RAB36: variants seen among roughly 807,000 people sequenced by gnomAD.
The protein encoded by RAB36 is ras-related protein Rab-36.
RAB36 carries 33 observed loss-of-function variants against 39.3 expected under a neutral mutation model. The ratio of observed to expected loss-of-function variants is 0.84; its 90% CI spans 0.64 to 1.12. RAB36 has a LOEUF of 1.12. Ranked by LOEUF, RAB36 falls within the 50% of genes most tolerant of loss-of-function variation. RAB36 has a pLI of 0.00. For missense variants in RAB36, 308 were observed against 355.3 expected (o/e 0.87, Z 1.07); for synonymous variants, 133 against 140.2 (o/e 0.95, Z 0.36).
At chr22:23,161,068 C>T (rs746218781) in intron 10 of RAB36, 70 bp downstream of exon 10, 35 of 1,525,414 alleles carry the variant, frequency 2.3e-5, no homozygotes, top group African/African-American at 2.8e-5. Context: ...GCGCCATCCT[C>T]GTCACCTGAG....
intron 6 of RAB36, among the ~76,000 whole-genome samples, chr22:23,157,135 A>G (rs2071498313): frequency 6.6e-6 from 1 of 152,170 alleles, no homozygotes; most frequent in South Asian, 2.1e-4. Flanking sequence ...CCCAGGCTGC[A>G]TCTCCCGGTT....
intron 6 of RAB36, among the ~76,000 whole-genome samples, chr22:23,156,758 T>C (rs1438708021): frequency 6.6e-6 from 1 of 152,204 alleles, no homozygotes; most frequent in African/African-American, 2.4e-5. Flanking sequence ...CAGCCGTGGG[T>C]TGGAGCTCCA....
intron 4 of RAB36, among the ~76,000 whole-genome samples, chr22:23,152,738 G>A (rs1444525731): frequency 2.0e-5 from 3 of 152,202 alleles, no homozygotes; most frequent in Non-Finnish European, 4.4e-5. Context: ...CAGGAGCCTG[G>A]CGCTTGTCAG....
In RAB36 at chr22:23,162,823, G is replaced by T. The variant is rs567231567; in HGVS notation, c.*1259G>T. ...CTGCCCTGTAAATGTTCAGCTCAGC[G>T]ATTGCCAAATACCAGTTAGGGAAGA... is the stretch of plus-strand genomic sequence containing the variant. On this transcript the variant is annotated 3_prime_UTR_variant, in exon 11 of 11. Coordinates refer to ENST00000263116, the MANE Select transcript of RAB36 (RefSeq NM_004914.5). 1 of 442,946 alleles carries T rather than the reference G, an allele frequency of 2.3e-6. No homozygotes were observed. Among genetic ancestry groups the T allele is most frequent in the East Asian group, 7.2e-5 (1 of 13,934 alleles). 27.4% of individuals were successfully genotyped at this position (442,946 alleles called of 1,614,324 possible).
downstream of RAB36, among the ~76,000 whole-genome samples, chr22:23,165,961 A>G (rs1173794106): frequency 2.6e-5 from 4 of 152,108 alleles, no homozygotes; most frequent in Non-Finnish European, 5.9e-5. Flanking sequence ...CCTGGCTAAC[A>G]TGGTGAAACC....
At chr22:23,156,207 A>G (rs1244932868) in intron 6 of RAB36, 175 bp downstream of exon 6, 2 of 583,170 alleles carry the variant, frequency 3.4e-6, no homozygotes, top group African/African-American at 3.9e-5. Context: ...ATCCCCAGGC[A>G]CTGGCTGACT....
chr22:23,149,210 G>T (rs1427876238), intron 2 of RAB36, among the ~76,000 whole-genome samples: 1 of 129,756 alleles, frequency 7.7e-6, no homozygotes, highest in Non-Finnish European at 1.7e-5. Context: ...GGGGGGCGGG[G>T]GGCGGGACCC....
chr22:23,159,157 TC>T lies in RAB36; in HGVS notation c.529-3del. The T allele has an allele frequency of 6.2e-7, 1 of 1,611,062 alleles. No homozygotes were observed. Among genetic ancestry groups the T allele is most frequent in the Non-Finnish European group, 8.5e-7 (1 of 1,178,990 alleles). ...ACGCTGGGTCAACAAGGGCCATTTC[TC>T]CCAGTCAGGGGCCGCATGTGAGCAG... is the stretch of plus-strand genomic sequence containing the variant. On this transcript the variant is annotated splice_region_variant and splice_polypyrimidine_tract_variant and intron_variant, in intron 8 of 10. Transcript: ENST00000263116.
At chr22:23,166,134 A>G (rs1444476651), downstream of RAB36, among the ~76,000 whole-genome samples, 2 of 112,760 alleles carry the variant, frequency 1.8e-5, no homozygotes, top group African/African-American at 3.6e-5. Context: ...TGACGGAGTG[A>G]GACTCTGTCT....
At position 23,162,245 on chromosome 22, in the gene RAB36, G is replaced by T. The variant is rs12160560; in HGVS notation, c.*681G>T. 2.8e-5 allele frequency: 6 copies of T among 215,786 alleles called. No individual in the cohort carries two copies. Among genetic ancestry groups the T allele is most frequent in the Non-Finnish European group, 3.7e-5 (4 of 106,958 alleles). The allele number at this position is 215,786 out of a possible 1,614,324, so 13.4% of individuals were successfully genotyped here. On this transcript the variant is annotated 3_prime_UTR_variant, in exon 11 of 11. Transcript: ENST00000263116. ...ATCTCTGGCACCTCTGAGATCCCTA[G>T]GTCCTGCCCTCCTGGTCCGTGGGCC...
At chr22:23,156,907 T>C (rs1160912696) in intron 6 of RAB36, among the ~76,000 whole-genome samples, 1 of 152,150 alleles carries the variant, frequency 6.6e-6, no homozygotes, top group Non-Finnish European at 1.5e-5. Flanking sequence ...CCGTCATCCC[T>C]TTCCTCAGTT....
In RAB36 at chr22:23,153,134, TG is replaced by T; in HGVS notation, c.329+1del. 1 of 1,612,762 alleles carries T rather than the reference TG, an allele frequency of 6.2e-7. No homozygotes were observed. The highest frequency in any genetic ancestry group is 1.1e-5 in the South Asian group (1 of 91,058). On this transcript the variant is annotated splice_donor_variant, in intron 5 of 10. Coordinates refer to ENST00000263116, the MANE Select transcript of RAB36 (RefSeq NM_004914.5). LOFTEE classifies it high-confidence loss of function. ...GCTGGGATTCCCTATAGCCTCCAGA[TG>T]TAAGTTGCTGGTTCCCCCATGGCTC... is the stretch of plus-strand genomic sequence containing the variant.
chr22:23,145,466 G>A (rs746854024), upstream of RAB36: 3 of 1,609,880 alleles, frequency 1.9e-6, no homozygotes, highest in South Asian at 3.3e-5. Context: ...CGCAGGTCCC[G>A]CGTGGCTCTC....
At chr22:23,166,831 G>A (rs1252045458), downstream of RAB36, among the ~76,000 whole-genome samples, 1 of 152,168 alleles carries the variant, frequency 6.6e-6, no homozygotes, top group Non-Finnish European at 1.5e-5. Context: ...CACTTGCAGT[G>A]GAAATTCTGA....
chr22:23,156,199 C>T (rs1191596324), intron 6 of RAB36, 167 bp downstream of exon 6: 1 of 599,028 alleles, frequency 1.7e-6, no homozygotes, highest in Non-Finnish European at 2.9e-6. Flanking sequence ...CTGCCTTCAT[C>T]CCCAGGCACT....
downstream of RAB36, among the ~76,000 whole-genome samples, chr22:23,168,516 C>G (rs558427911): frequency 6.6e-6 from 1 of 152,290 alleles, no homozygotes; most frequent in Admixed American, 6.5e-5. Context: ...ACACAGACAC[C>G]TGCCGCTTCA....
At chr22:23,166,147 TAAAAAA>T (rs695297), downstream of RAB36, among the ~76,000 whole-genome samples, 2,535 of 59,874 alleles carry the variant, frequency 0.042, 191 homozygotes, top group African/African-American at 0.17. Flanking sequence ...CTCTGTCTTT[TAAAAAA>T]AAAAAAAAAA....
Position 23,156,042 on chromosome 22 carries a change from A to G in RAB36, c.394+10A>G, listed in dbSNP as rs774593768. Reference sequence around the variant, plus strand: ...TACCGGGGTGCCCAGGGTGAGCAACATGCCACGTCGGGGCTCAACTGCATG... The same window carrying G: ...TACCGGGGTGCCCAGGGTGAGCAACGTGCCACGTCGGGGCTCAACTGCATG... On this transcript the variant is annotated intron_variant, in intron 6 of 10. Coordinates refer to ENST00000263116, the MANE Select transcript of RAB36 (RefSeq NM_004914.5). 5 of 1,609,644 alleles carry G rather than the reference A, an allele frequency of 3.1e-6. No individual in the cohort carries two copies. In the Admixed American group the frequency reaches 6.7e-5, roughly 22 times the overall value.
At position 23,145,686 on chromosome 22, in the gene RAB36, C is replaced by T. The variant is rs2070725845; in HGVS notation, c.-13+135C>T. On this transcript the variant is annotated intron_variant, in intron 1 of 10. Transcript: ENST00000263116. Reference sequence around the variant, plus strand: ...CTATAACTTGAAAGCGGCCTGCGGCCCCGGGGCGTCCTCATTTCCGGAGCG... The same window carrying T: ...CTATAACTTGAAAGCGGCCTGCGGCTCCGGGGCGTCCTCATTTCCGGAGCG... 17 of 1,088,918 alleles carry T rather than the reference C, an allele frequency of 1.6e-5. 1 individual carries two copies. The South Asian group carries it at 2.3e-4, about 14-fold the overall frequency. 67.5% of individuals were successfully genotyped at this position (1,088,918 alleles called of 1,614,324 possible).
Sources: allele counts gnomAD v4.1 joint callset (sites outside exome capture counted in the v4.1 genomes callset), GRCh38; gene constraint gnomAD v4.1.1; transcripts MANE v1.5; gene names NCBI Gene and HGNC (gene_info 2026-07-23, HGNC 2026-07-21).